Variants in RRN3 observed in about 807,000 individuals in gnomAD.
RRN3 encodes RNA polymerase I-specific transcription initiation factor RRN3.
In RRN3, 38 loss-of-function variants were observed where a neutral mutation model predicts 82.3. The ratio of observed to expected loss-of-function variants is 0.46; its 90% CI spans 0.36 to 0.61. The LOEUF is 0.61. Ranked by LOEUF, RRN3 falls within the 20% of genes least tolerant of loss-of-function variation. The pLI is 0.00. For synonymous variants in RRN3, 284 were observed against 284.3 expected (o/e 1.00, Z 0.01); for missense variants, 726 against 793.1 (o/e 0.92, Z 1.02).
chr16:15,091,253 G>A, intron 3 of RRN3, 62 bp downstream of exon 3: 1 of 1,593,464 alleles, frequency 6.3e-7, no homozygotes, highest in Non-Finnish European at 8.6e-7. Flanking sequence ...GACCCAAAGA[G>A]CAAACTATGT....
intron 3 of RRN3, among the ~76,000 whole-genome samples, chr16:15,088,052 G>GT (rs1331238801): frequency 6.6e-6 from 1 of 152,000 alleles, no homozygotes; most frequent in South Asian, 2.1e-4. Context: ...GGAGGCAGAG[G>GT]TTGCAGTGAG....
intron 2 of RRN3, among the ~76,000 whole-genome samples, chr16:15,091,829 A>T (rs2046140588): frequency 6.6e-6 from 1 of 152,184 alleles, no homozygotes; most frequent in African/African-American, 2.4e-5. Context: ...AAAAATCCCT[A>T]CTCAGAGAAC....
chr16:15,068,407 A>G, intron 14 of RRN3, 130 bp from the exon 15 acceptor site: 1 of 1,209,054 alleles, frequency 8.3e-7, no homozygotes, highest in South Asian at 1.7e-5. Flanking sequence ...AATGCTTTAA[A>G]TAAAGGTCCA....
At chr16:15,067,675 T>G (rs1298384697) in intron 15 of RRN3, among the ~76,000 whole-genome samples, 1 of 151,754 alleles carries the variant, frequency 6.6e-6, no homozygotes, top group Non-Finnish European at 1.5e-5. Context: ...TGCTGCCCTT[T>G]GGATAAGAAG....
intron 10 of RRN3, among the ~76,000 whole-genome samples, chr16:15,076,130 C>A (rs1177033926): frequency 6.6e-6 from 1 of 152,152 alleles, no homozygotes; most frequent in Non-Finnish European, 1.5e-5. Context: ...TCCCTGACAC[C>A]CTCTGTCCCA....
rs894353536 is a variant in RRN3, at chr16:15,092,678, A to G, written c.90-64T>C. The stretch of plus-strand genomic sequence containing the variant: ...AATAATAAAAATTATAATAGCCAAC[A>G]TTTATTGAACCAACATAATTCAGTG... On this transcript the variant is annotated intron_variant, in intron 1 of 17. Coordinates refer to ENST00000198767, the MANE Select transcript of RRN3 (RefSeq NM_018427.5). 4.6e-6 allele frequency: 5 copies of G among 1,093,416 alleles called. No homozygotes were observed. The African/African-American group carries it at 6.3e-5, about 14-fold the overall frequency. The allele number at this position is 1,093,416 out of a possible 1,614,324, so 67.7% of individuals were successfully genotyped here.
chr16:15,063,261 T>C lies in RRN3; in HGVS notation c.1729A>G (p.Ile577Val), dbSNP rs2044794246. ...CTCATGTCTTCCCACACCTGATAAA[T>C]AGGATCAATGAATTTCTTTGACCTG... is the stretch of plus-strand genomic sequence containing the variant. ...LKRSKKFIDP[I>V]YQVWEDMSAE... Residue 577 changes from isoleucine (I) to valine (V), a missense_variant, in exon 17 of 18, where the codon ATT (isoleucine) becomes GTT (valine). Ile to Val is a conservative substitution (Grantham distance 29). Transcript: ENST00000198767. 5 of 1,613,288 alleles carry C rather than the reference T, an allele frequency of 3.1e-6. No homozygotes were observed. The highest frequency in any genetic ancestry group is 4.2e-6 in the Non-Finnish European group (5 of 1,179,244).
Position 15,074,789 on chromosome 16 carries a change from C to G in RRN3, c.931G>C (p.Ala311Pro). The change falls in exon 11 of 18, where the codon GCC becomes CCC. Residue 311 changes from alanine to proline, a missense_variant. Ala to Pro is a conservative substitution (Grantham distance 27). Around this residue, in one of 4 missense-constraint regions of RRN3, gnomAD observed 344 missense variants for 394.5 expected, o/e 0.87. Transcript: ENST00000198767. ...ERLDQMVHPV[A>P]ERLDILMSLV... The stretch of plus-strand genomic sequence containing the variant: ...GACATCAGGATGTCCAGGCGCTCGG[C>G]TACAGGATGCACCATCTGGTCGAGC... The G allele has an allele frequency of 6.2e-7, 1 of 1,614,112 alleles. No homozygotes were observed. Among genetic ancestry groups the G allele is most frequent in the Non-Finnish European group, 8.5e-7 (1 of 1,180,026 alleles).
intron 17 of RRN3, among the ~76,000 whole-genome samples, chr16:15,062,170 A>T (rs1238776745): frequency 1.3e-5 from 2 of 151,952 alleles, no homozygotes; most frequent in Non-Finnish European, 2.9e-5. Flanking sequence ...AACAGAACAA[A>T]AGCTCCCTCT....
At chr16:15,072,879 CCA>C (rs1255457014) in intron 12 of RRN3, 69 bp downstream of exon 12, 12 of 1,523,312 alleles carry the variant, frequency 7.9e-6, no homozygotes, top group East Asian at 4.5e-5. Context: ...TCCGTCCACC[CCA>C]GTTTTTAGGG....
At chr16:15,062,034 G>A (rs1355160106) in intron 17 of RRN3, 129 bp from the exon 18 acceptor site, 4 of 959,800 alleles carry the variant, frequency 4.2e-6, no homozygotes, top group Middle Eastern at 2.4e-4. Context: ...TCAAAAGAAA[G>A]CCAGTGTAGT....
chr16:15,061,686 G>T lies in RRN3; in HGVS notation c.*58C>A. ...CCCAATGGCACAAGCTGGGTGCTGA[G>T]GGCATGACAAGTGATGGGGAATCCC... On this transcript the variant is annotated 3_prime_UTR_variant, in exon 18 of 18. Transcript: ENST00000198767. 1 of 1,536,412 alleles carries T rather than the reference G, an allele frequency of 6.5e-7. No individual in the cohort carries two copies. Among genetic ancestry groups the T allele is most frequent in the South Asian group, 1.2e-5 (1 of 86,370 alleles).
In RRN3 at chr16:15,065,233, G is replaced by A. The variant is rs769854395; in HGVS notation, c.1692C>T (p.Pro564=). The part of the protein sequence containing the change: ...NPLDTFFPFD[P]CVLKRSKKFI... Reference sequence around the variant, plus strand: ...AAAGTACCTACCTCTTCAGCACACAGGGATCAAAGGGGAAGAAGGTGTCCA... The same window carrying A: ...AAAGTACCTACCTCTTCAGCACACAAGGATCAAAGGGGAAGAAGGTGTCCA... The change falls in exon 16 of 18, where the codon CCC becomes CCT. Residue 564 remains proline, a synonymous_variant. Transcript: ENST00000198767. 5 of 1,613,290 alleles carry A rather than the reference G, an allele frequency of 3.1e-6. No individual in the cohort carries two copies. Among genetic ancestry groups the A allele is most frequent in the Non-Finnish European group, 4.2e-6 (5 of 1,179,636 alleles).
At chr16:15,077,409 GA>G (rs1245004813) in intron 9 of RRN3, among the ~76,000 whole-genome samples, 1 of 152,036 alleles carries the variant, frequency 6.6e-6, no homozygotes, top group African/African-American at 2.4e-5. Flanking sequence ...TAAGTCTCAA[GA>G]GATCTGATGG....
At position 15,076,639 on chromosome 16, in the gene RRN3, G is replaced by C; in HGVS notation, c.777C>G (p.Ser259=). The C allele has an allele frequency of 6.2e-7, 1 of 1,607,948 alleles. No homozygotes were observed. The part of the protein sequence containing the change: ...EKLLKLDVNA[S]RQGIEDAEET... The stretch of plus-strand genomic sequence containing the variant: ...CTTCAGCATCTTCAATACCCTGCCG[G>C]GATGCATTCACCTATAACAAAGGGA... Residue 259 remains serine, a synonymous_variant, in exon 10 of 18, where the codon TCC becomes TCG. Transcript: ENST00000198767.
chr16:15,079,689 T>C (rs1223597944), intron 9 of RRN3, among the ~76,000 whole-genome samples: 1 of 152,016 alleles, frequency 6.6e-6, no homozygotes, highest in African/African-American at 2.4e-5. Context: ...GCCTCCCGGA[T>C]TCAAGCAATT....
rs2046174365 is a variant in RRN3, at chr16:15,092,510, T to G, written c.194A>C (p.Lys65Thr). The G allele has an allele frequency of 1.2e-6, 2 of 1,602,992 alleles. No homozygotes were observed. Among genetic ancestry groups the G allele is most frequent in the Non-Finnish European group, 1.7e-6 (2 of 1,169,924 alleles). Residue 65 changes from lysine (K) to threonine (T), a missense_variant and splice_region_variant, in exon 2 of 18, where the codon AAG becomes ACG. Physicochemically the swap from Lys to Thr is moderately conservative, Grantham distance 78. This residue lies in a region of RRN3 where 135 missense variants were observed against 87.4 expected (regional missense o/e 1.55). Coordinates refer to ENST00000198767, the MANE Select transcript of RRN3 (RefSeq NM_018427.5). The stretch of plus-strand genomic sequence containing the variant: ...ACCTCACACATTATCTCCCCTTACC[T>G]TTTTGTACTTCAGCAAGACTTCTGT... ...TVTEVLLKYKKGETNDFELLK... is the reference protein window; with the variant it reads ...TVTEVLLKYKTGETNDFELLK...
chr16:15,078,704 T>A (rs1051761299), intron 9 of RRN3, among the ~76,000 whole-genome samples: 2 of 151,906 alleles, frequency 1.3e-5, no homozygotes, highest in East Asian at 1.9e-4. Flanking sequence ...CAGGTCCCCA[T>A]CTGCAGCCAC....
chr16:15,085,248 T>A (rs1438043291), intron 6 of RRN3, among the ~76,000 whole-genome samples: 1 of 152,148 alleles, frequency 6.6e-6, no homozygotes, highest in Non-Finnish European at 1.5e-5. Flanking sequence ...ATGGTAAATA[T>A]AACAAAAAGA....
Sources: gnomAD v4.1 joint callset for allele counts (sites outside exome capture counted in the v4.1 genomes callset) on GRCh38, gnomAD v4.1.1 for gene constraint, gnomAD v4.1.1 regional missense constraint, MANE v1.5 for transcripts, NCBI Gene and HGNC (gene_info 2026-07-23, HGNC 2026-07-21) for gene names.